TMEM242: variants seen among roughly 807,000 people sequenced by gnomAD.
The protein encoded by TMEM242 is transmembrane protein 242.
Under a neutral mutation model 18.2 loss-of-function variants are expected in TMEM242, and 10 were observed. The observed-to-expected ratio is 0.55, with a 90% CI of 0.34 to 0.93. TMEM242 has a LOEUF of 0.93. TMEM242 is among the 40% of genes least tolerant of loss of function. TMEM242 has a pLI of 0.02. For synonymous variants in TMEM242, 57 were observed against 69.9 expected (o/e 0.81, Z 0.92); for missense variants, 186 against 175.5 (o/e 1.06, Z -0.34).
At chr6:157,306,787 T>C (rs1367322809) in intron 3 of TMEM242, among the ~76,000 whole-genome samples, 1 of 151,972 alleles carries the variant, frequency 6.6e-6, no homozygotes, top group Non-Finnish European at 1.5e-5. Flanking sequence ...ATAAAAAGAA[T>C]AAAGGAAGAA....
At chr6:157,313,416 T>G (rs1778272442) in intron 3 of TMEM242, among the ~76,000 whole-genome samples, 2 of 34,906 alleles carry the variant, frequency 5.7e-5, no homozygotes, top group African/African-American at 9.7e-5. Flanking sequence ...GTGTCCAGTG[T>G]GCGCTCACCT....
chr6:157,311,225 G>T (rs1583565159), intron 3 of TMEM242, among the ~76,000 whole-genome samples: 1 of 110,690 alleles, frequency 9.0e-6, no homozygotes, highest in Admixed American at 8.3e-5. Flanking sequence ...CGCTCACCTA[G>T]CCTCATCATA....
intron 1 of TMEM242, 45 bp downstream of exon 1, chr6:157,323,367 G>C: frequency 2.5e-6 from 4 of 1,597,994 alleles, no homozygotes; most frequent in Non-Finnish European, 3.4e-6. Flanking sequence ...CAGGGTCCGG[G>C]GTTAACTCAC....
intron 3 of TMEM242, among the ~76,000 whole-genome samples, chr6:157,293,876 G>C (rs1338897793): frequency 1.3e-5 from 2 of 152,084 alleles, no homozygotes; most frequent in Non-Finnish European, 2.9e-5. Flanking sequence ...TGGAACTACA[G>C]GCATGTGCTA....
intron 2 of TMEM242, 29 bp downstream of exon 2, chr6:157,322,676 T>C: frequency 6.3e-7 from 1 of 1,575,482 alleles, no homozygotes; most frequent in Non-Finnish European, 8.7e-7. Context: ...ACAATAACAA[T>C]GCTATGAATG....
At chr6:157,302,802 G>T (rs1310651601) in intron 3 of TMEM242, among the ~76,000 whole-genome samples, 1 of 152,202 alleles carries the variant, frequency 6.6e-6, no homozygotes, top group Non-Finnish European at 1.5e-5. Flanking sequence ...ACGCAGTACA[G>T]TATTATAGCT....
In TMEM242 at chr6:157,311,040, G is replaced by T. The variant is rs1430984967; in HGVS notation, c.327+7742C>A. Among the ~76,000 whole-genome samples, 3 of 119,582 alleles carry T rather than the reference G, an allele frequency of 2.5e-5. No individual in the cohort carries two copies. In the Admixed American group the frequency reaches 2.5e-4, roughly 10 times the overall value. 78.5% of individuals were successfully genotyped at this position (119,582 alleles called of 152,430 possible). A position where few individuals can be genotyped will look rare whatever the true frequency, so the allele number is the denominator to read the frequency against. On this transcript the variant is annotated intron_variant, in intron 3 of 3. Transcript: ENST00000400788. ...CACCTAGCCTCATCATAGTGTCCCA[G>T]TGTGCGCTCACCTAACCCCATCATA...
At chr6:157,301,503 G>T (rs1311139388) in intron 3 of TMEM242, among the ~76,000 whole-genome samples, 2 of 152,010 alleles carry the variant, frequency 1.3e-5, no homozygotes, top group Non-Finnish European at 2.9e-5. Context: ...GTAGAGACAG[G>T]GTTTCACCAT....
At chr6:157,320,731 A>G (rs138193830) in intron 2 of TMEM242, among the ~76,000 whole-genome samples, 4,924 of 152,242 alleles carry the variant, frequency 0.032, 131 homozygotes, top group Admixed American at 0.046. Context: ...TCAGCCTCCC[A>G]AAGTGCTGGG....
At chr6:157,296,581 G>A (rs1554247192) in intron 3 of TMEM242, among the ~76,000 whole-genome samples, 1 of 152,260 alleles carries the variant, frequency 6.6e-6, no homozygotes, top group African/African-American at 2.4e-5. Flanking sequence ...TACTCAGGAA[G>A]CTGGGGAAGG....
At chr6:157,312,376 T>TA (rs1778179185) in intron 3 of TMEM242, among the ~76,000 whole-genome samples, 1 of 126,578 alleles carries the variant, frequency 7.9e-6, no homozygotes, top group Admixed American at 8.1e-5. Flanking sequence ...TGCACTCACC[T>TA]GCCCTCATCA....
At chr6:157,311,502 A>G (rs1778095282) in intron 3 of TMEM242, among the ~76,000 whole-genome samples, 1 of 129,624 alleles carries the variant, frequency 7.7e-6, no homozygotes, top group African/African-American at 2.9e-5. Context: ...ACCTAGCCTC[A>G]GCATAGTGCC....
chr6:157,310,216 A>G (rs1777979705), intron 3 of TMEM242, among the ~76,000 whole-genome samples: 1 of 152,226 alleles, frequency 6.6e-6, no homozygotes, highest in African/African-American at 2.4e-5. Context: ...CTTGAGTCAC[A>G]TGTAAATAAC....
intron 3 of TMEM242, chr6:157,299,877 T>G (rs1327302616): frequency 6.2e-7 from 1 of 1,613,098 alleles, no homozygotes; most frequent in South Asian, 1.1e-5. Flanking sequence ...AGTTCATCAC[T>G]CAAGCCTTTT....
chr6:157,311,422 G>GGACT (rs1778087892), intron 3 of TMEM242, among the ~76,000 whole-genome samples: 2 of 11,914 alleles, frequency 1.7e-4, no homozygotes, highest in Non-Finnish European at 3.1e-4. Flanking sequence ...CAGTGTGCAC[G>GGACT]CATACGGCCT....
intron 3 of TMEM242, among the ~76,000 whole-genome samples, chr6:157,306,424 G>A (rs1246165618): frequency 6.6e-6 from 1 of 152,208 alleles, no homozygotes; most frequent in Non-Finnish European, 1.5e-5. Context: ...ACACAGTGTG[G>A]TCAGGAATGG....
At chr6:157,306,869 T>C (rs1554247960) in intron 3 of TMEM242, among the ~76,000 whole-genome samples, 1 of 152,116 alleles carries the variant, frequency 6.6e-6, no homozygotes, top group Non-Finnish European at 1.5e-5. Flanking sequence ...CAAGAAAAAG[T>C]TACATGATAA....
At chr6:157,299,744 G>C (rs587634547) in intron 3 of TMEM242, 11 of 1,602,866 alleles carry the variant, frequency 6.9e-6, no homozygotes, top group Non-Finnish European at 9.4e-6. Flanking sequence ...CACTAGGCTG[G>C]AGTTTGCTGT....
Position 157,292,842 on chromosome 6 carries a change from G to A in TMEM242, c.*59C>T, listed in dbSNP as rs1777701788. The A allele has an allele frequency of 1.9e-5, 25 of 1,346,928 alleles. No individual in the cohort carries two copies. Among genetic ancestry groups the A allele is most frequent in the Non-Finnish European group, 2.4e-5 (23 of 943,956 alleles). 83.4% of individuals were successfully genotyped at this position (1,346,928 alleles called of 1,614,324 possible). The stretch of plus-strand genomic sequence containing the variant: ...TCAGTCCCAGTCCTTTTGCTGTCAT[G>A]GTGTCTCCAGAGCCACCCCTTTCTG... On this transcript the variant is annotated 3_prime_UTR_variant, in exon 4 of 4. Coordinates refer to ENST00000400788, the MANE Select transcript of TMEM242 (RefSeq NM_018452.6).
Sources: allele counts gnomAD v4.1 joint callset (sites outside exome capture counted in the v4.1 genomes callset), GRCh38; gene constraint gnomAD v4.1.1; transcripts MANE v1.5; gene names NCBI Gene and HGNC (gene_info 2026-07-23, HGNC 2026-07-21).